Variants in CALCRL observed in about 807,000 individuals in gnomAD.
The protein encoded by CALCRL is calcitonin receptor like receptor, also known as calcitonin gene-related peptide type 1 receptor.
In CALCRL, 27 loss-of-function variants were observed where a neutral mutation model predicts 60.4. The observed-to-expected ratio is 0.45, with a 90% CI of 0.33 to 0.62. The LOEUF (loss-of-function observed/expected upper bound fraction) is 0.62. Among genes scored for constraint, CALCRL ranks in the 20% least tolerant of loss-of-function variants. The pLI is 0.03. For synonymous variants in CALCRL, 190 were observed against 182.6 expected (o/e 1.04, Z -0.33); for missense variants, 424 against 540.7 (o/e 0.78, Z 2.14).
intron 1 of CALCRL, among the ~76,000 whole-genome samples, chr2:187,424,498 A>G (rs1353946899): frequency 6.6e-6 from 1 of 152,090 alleles, no homozygotes; most frequent in Non-Finnish European, 1.5e-5. Flanking sequence ...ATATTATTTC[A>G]TTTGTTTTCA....
chr2:187,375,248 C>T (rs577242971), intron 8 of CALCRL, among the ~76,000 whole-genome samples: 113 of 140,416 alleles, frequency 8.0e-4, no homozygotes, highest in South Asian at 1.4e-3. Flanking sequence ...GTCCGCAGTC[C>T]GGCCTGGGCG....
At chr2:187,446,130 G>A (rs533835203) in intron 1 of CALCRL, among the ~76,000 whole-genome samples, 8 of 151,560 alleles carry the variant, frequency 5.3e-5, no homozygotes, top group African/African-American at 1.9e-4. Flanking sequence ...TCAATTCTAT[G>A]TTTCATTTTA....
At chr2:187,420,833 G>A (rs941691687) in intron 1 of CALCRL, among the ~76,000 whole-genome samples, 3 of 152,092 alleles carry the variant, frequency 2.0e-5, no homozygotes, top group Non-Finnish European at 4.4e-5. Context: ...CTTTCAAATA[G>A]ATTTAACATA....
At chr2:187,355,645 A>G (rs183019386) in intron 12 of CALCRL, among the ~76,000 whole-genome samples, 1 of 152,076 alleles carries the variant, frequency 6.6e-6, no homozygotes, top group Admixed American at 6.6e-5. Context: ...ACACAAGCAC[A>G]TATATAAATA....
chr2:187,393,263 A>G (rs1265907409), intron 1 of CALCRL, among the ~76,000 whole-genome samples: 1 of 152,078 alleles, frequency 6.6e-6, no homozygotes, highest in African/African-American at 2.4e-5. Context: ...AGGAACCTGC[A>G]TGTTTAGTAA....
intron 1 of CALCRL, among the ~76,000 whole-genome samples, chr2:187,397,804 T>C (rs1574274326): frequency 2.0e-5 from 3 of 151,724 alleles, no homozygotes; most frequent in Admixed American, 6.6e-5. Context: ...TATTTGACTT[T>C]TTTAGTTGTT....
chr2:187,376,371 C>T (rs1021709980), intron 8 of CALCRL, among the ~76,000 whole-genome samples: 1 of 152,014 alleles, frequency 6.6e-6, no homozygotes, highest in Non-Finnish European at 1.5e-5. Flanking sequence ...TCTGGCTTAA[C>T]ACTCTTGGTG....
chr2:187,388,808 C>G (rs1688311507), intron 1 of CALCRL, among the ~76,000 whole-genome samples: 1 of 151,870 alleles, frequency 6.6e-6, no homozygotes, highest in South Asian at 2.1e-4. Flanking sequence ...TTTAATCCAT[C>G]CCTAAATATA....
chr2:187,392,455 T>C (rs185444796), intron 1 of CALCRL, among the ~76,000 whole-genome samples: 10 of 152,238 alleles, frequency 6.6e-5, no homozygotes, highest in Admixed American at 5.9e-4. Flanking sequence ...CCCTTACTTA[T>C]GGCATATTAA....
intron 1 of CALCRL, among the ~76,000 whole-genome samples, chr2:187,425,423 T>C (rs1446107847): frequency 6.6e-6 from 1 of 151,898 alleles, no homozygotes; most frequent in Non-Finnish European, 1.5e-5. Context: ...AGAAACCCAT[T>C]TGGTATCTTC....
At chr2:187,420,220 G>A (rs1689808959) in intron 1 of CALCRL, among the ~76,000 whole-genome samples, 1 of 152,008 alleles carries the variant, frequency 6.6e-6, no homozygotes, top group South Asian at 2.1e-4. Flanking sequence ...TTAAAAGAGA[G>A]GTTTCTGTCT....
At chr2:187,385,695 C>A in intron 3 of CALCRL, 64 bp from the exon 4 acceptor site, 1 of 798,770 alleles carries the variant, frequency 1.3e-6, no homozygotes, top group Non-Finnish European at 2.0e-6. Context: ...AGATGATTCT[C>A]AACAGAAAAT....
chr2:187,352,271 T>C lies in CALCRL; in HGVS notation c.971A>G (p.His324Arg). 2 of 1,612,314 alleles carry C rather than the reference T, an allele frequency of 1.2e-6. No individual in the cohort carries two copies. The highest frequency in any genetic ancestry group is 1.7e-6 in the Non-Finnish European group (2 of 1,178,878). The change falls in exon 13 of 15, where the codon CAC becomes CGC. Residue 324 changes from histidine to arginine, a missense_variant. His to Arg is a conservative substitution (Grantham distance 29). This residue lies in a region of CALCRL where 222 missense variants were observed against 265.6 expected (regional missense o/e 0.84). Coordinates refer to ENST00000392370, the MANE Select transcript of CALCRL (RefSeq NM_005795.6). Reference sequence around the variant, plus strand: ...CATGTACAGATTGGATTCCGCTTGGTGTGTAACTTTTAACTTGGTGATGAG... The same window carrying C: ...CATGTACAGATTGGATTCCGCTTGGCGTGTAACTTTTAACTTGGTGATGAG... ...RVLITKLKVT[H>R]QAESNLYMKA... is the part of the protein sequence containing the mutation.
intron 14 of CALCRL, 31 bp downstream of exon 14, chr2:187,351,889 A>G (rs1686549240): frequency 7.4e-7 from 1 of 1,350,028 alleles, no homozygotes; most frequent in Non-Finnish European, 1.0e-6. Context: ...CAAATATAAA[A>G]TAATAGAAGG....
intron 1 of CALCRL, chr2:187,415,670 C>G: frequency 1.6e-6 from 1 of 618,440 alleles, no homozygotes. Flanking sequence ...CTGGGCTACA[C>G]TGAGCACCAG....
In CALCRL at chr2:187,383,234, G is replaced by T. The variant is rs986905860; in HGVS notation, c.123C>A (p.Ile41=). 5.6e-6 allele frequency: 9 copies of T among 1,612,326 alleles called. No individual in the cohort carries two copies. The African/African-American group carries it at 1.1e-4, about 19-fold the overall frequency. Residue 41 remains isoleucine (I), a synonymous_variant, in exon 5 of 15, where the codon ATC becomes ATA. Transcript: ENST00000392370. ...SIQLGVTRNK[I]MTAQYECYQK... is the part of the protein sequence containing the mutation. ...GGTAACATTCATATTGAGCTGTCAT[G>T]ATTTTATTTCTAGTAACTCCCAACT...
At chr2:187,393,013 C>A (rs576648055) in intron 1 of CALCRL, among the ~76,000 whole-genome samples, 1 of 152,072 alleles carries the variant, frequency 6.6e-6, no homozygotes, top group Non-Finnish European at 1.5e-5. Flanking sequence ...AGACATGTTA[C>A]GGATATAAGA....
In CALCRL at chr2:187,342,528, C is replaced by A. The variant is rs534541218; in HGVS notation, c.*3656G>T. ...GTACCTATCTCAACAATAGGCCAAA[C>A]CTTATTAAACTAGCAATATTTTTAA... On this transcript the variant is annotated 3_prime_UTR_variant, in exon 15 of 15. Coordinates refer to ENST00000392370, the MANE Select transcript of CALCRL (RefSeq NM_005795.6). Among the ~76,000 whole-genome samples, 2 of 151,490 alleles carry A rather than the reference C, an allele frequency of 1.3e-5. No homozygotes were observed. The highest frequency in any genetic ancestry group is 3.9e-4 in the East Asian group (2 of 5,162).
intron 1 of CALCRL, among the ~76,000 whole-genome samples, chr2:187,443,985 G>T (rs1364189932): frequency 2.6e-5 from 4 of 151,372 alleles, no homozygotes; most frequent in Non-Finnish European, 5.9e-5. Flanking sequence ...TCTTCATTTT[G>T]GTTAATAAAA....
Sources: gnomAD v4.1 joint callset for allele counts (sites outside exome capture counted in the v4.1 genomes callset) on GRCh38, gnomAD v4.1.1 for gene constraint, gnomAD v4.1.1 regional missense constraint, MANE v1.5 for transcripts, NCBI Gene and HGNC (gene_info 2026-07-23, HGNC 2026-07-21) for gene names.